DGKH: variants seen among roughly 807,000 people sequenced by gnomAD.
The protein encoded by DGKH is diacylglycerol kinase eta, also known as DAG kinase eta.
In DGKH, 90 loss-of-function variants were observed where a neutral mutation model predicts 159.3. That is an observed-to-expected ratio of 0.57 (90% CI 0.48 to 0.67). The LOEUF is 0.67. DGKH is among the 30% of genes least tolerant of loss of function. DGKH has a pLI of 0.00. For missense variants in DGKH, 1,181 were observed against 1,506.1 expected (o/e 0.78, Z 3.57); for synonymous variants, 536 against 553.8 (o/e 0.97, Z 0.45).
chr13:42,065,188 A>G (rs1882473120), intron 1 of DGKH, among the ~76,000 whole-genome samples: 1 of 152,224 alleles, frequency 6.6e-6, no homozygotes, highest in Admixed American at 6.5e-5. Flanking sequence ...TCACAGGGAA[A>G]GAATTCTCAT....
In DGKH at chr13:42,110,755, A is replaced by G. The variant is rs1483782124; in HGVS notation, c.193-16708A>G. ...TAATCATTAGCATAGCACCACTGCC[A>G]CCTTGTGGTAATGCATGGTAGTTCA... On this transcript the variant is annotated intron_variant, in intron 1 of 29. Transcript: ENST00000337343. Among the ~76,000 whole-genome samples the G allele has an allele frequency of 2.0e-5, 3 of 151,924 alleles. No individual in the cohort carries two copies. In the East Asian group the frequency reaches 5.8e-4, roughly 29 times the overall value.
chr13:42,063,439 C>T (rs373937136), intron 1 of DGKH, among the ~76,000 whole-genome samples: 27 of 152,200 alleles, frequency 1.8e-4, no homozygotes, highest in East Asian at 1.5e-3. Context: ...GTGGTTAGCA[C>T]ATAATTAGCA....
intron 3 of DGKH, among the ~76,000 whole-genome samples, chr13:42,152,032 GTGA>G (rs1164099785): frequency 2.0e-5 from 3 of 152,094 alleles, no homozygotes; most frequent in Admixed American, 2.0e-4. Context: ...CTCATGATGA[GTGA>G]TGTTGAGCAT....
chr13:42,076,539 C>A (rs982031901), intron 1 of DGKH, among the ~76,000 whole-genome samples: 1 of 152,080 alleles, frequency 6.6e-6, no homozygotes, highest in African/African-American at 2.4e-5. Flanking sequence ...ACATCGTAAC[C>A]CTCTTTTTTA....
At chr13:42,125,830 C>T (rs990317688) in intron 1 of DGKH, among the ~76,000 whole-genome samples, 4 of 152,132 alleles carry the variant, frequency 2.6e-5, no homozygotes, top group Non-Finnish European at 5.9e-5. Flanking sequence ...ATCTCAGCAC[C>T]TGCCATTTAT....
chr13:42,180,597 CTCTT>C (rs1471444411), intron 13 of DGKH, among the ~76,000 whole-genome samples: 1 of 152,190 alleles, frequency 6.6e-6, no homozygotes, highest in Non-Finnish European at 1.5e-5. Flanking sequence ...CTTGGCCTGA[CTCTT>C]TGTCTAAGGC....
chr13:42,254,554 A>G (rs1566240826), intron 30 of DGKH, among the ~76,000 whole-genome samples: 1 of 151,794 alleles, frequency 6.6e-6, no homozygotes, highest in Non-Finnish European at 1.5e-5. Context: ...AATCACTTGA[A>G]CCTGGGAGGT....
chr13:42,158,064 G>C (rs537631157), intron 5 of DGKH, among the ~76,000 whole-genome samples: 1 of 152,156 alleles, frequency 6.6e-6, no homozygotes, highest in South Asian at 2.1e-4. Context: ...TGGCCTAGAC[G>C]AATATTTTTC....
At chr13:42,116,572 A>G (rs370551062) in intron 1 of DGKH, among the ~76,000 whole-genome samples, 2 of 152,228 alleles carry the variant, frequency 1.3e-5, no homozygotes, top group Admixed American at 1.3e-4. Context: ...ATGAAAGTGT[A>G]TACCTACTGG....
chr13:42,182,752 G>T (rs1370470439), intron 13 of DGKH, among the ~76,000 whole-genome samples: 1 of 152,104 alleles, frequency 6.6e-6, no homozygotes, highest in Non-Finnish European at 1.5e-5. Context: ...GTGTGCTTGT[G>T]TGCACGTGTG....
chr13:42,241,886 A>C lies in DGKH; in HGVS notation c.*12698A>C, dbSNP rs1594267913. ...CTAGATATTTATGGATGGTTAGGCA[A>C]TAGGGTTCCTTCATGAGAAGGAAAA... On this transcript the variant is annotated 3_prime_UTR_variant, in exon 30 of 30. Coordinates refer to ENST00000337343, the MANE Select transcript of DGKH (RefSeq NM_178009.5). 1 of 152,222 alleles carries C rather than the reference A, an allele frequency of 6.6e-6. No individual in the cohort carries two copies. Among genetic ancestry groups the C allele is most frequent in the Non-Finnish European group, 1.5e-5 (1 of 68,022 alleles). The allele number at this position is 152,222 out of a possible 1,614,324, so 9.4% of individuals were successfully genotyped here.
chr13:42,120,817 G>T (rs977282488), intron 1 of DGKH, among the ~76,000 whole-genome samples: 3 of 152,068 alleles, frequency 2.0e-5, no homozygotes, highest in Admixed American at 6.5e-5. Context: ...TGTGTATATT[G>T]TGTGTGTATG....
Position 42,223,723 on chromosome 13 carries a change from T to C in DGKH, c.3573+2329T>C, listed in dbSNP as rs527447599. ...TTGCAGTGAGCCGAGATCACACCAC[T>C]GCACTCCAGCTTGGGCGACAGAGCA... On this transcript the variant is annotated intron_variant, in intron 29 of 29. Transcript: ENST00000337343. 2.2e-3 allele frequency among the ~76,000 whole-genome samples: 342 copies of C among 152,140 alleles called. 2 individuals carry two copies. The highest frequency in any genetic ancestry group is 7.8e-3 in the African/African-American group (325 of 41,486).
intron 3 of DGKH, among the ~76,000 whole-genome samples, chr13:42,153,177 A>G (rs1324310301): frequency 2.0e-5 from 3 of 152,234 alleles, no homozygotes; most frequent in African/African-American, 4.8e-5. Flanking sequence ...TTAGTAGTAT[A>G]TAAGTACACA....
intron 1 of DGKH, chr13:42,070,249 A>G: frequency 8.6e-6 from 10 of 1,156,860 alleles, no homozygotes; most frequent in Non-Finnish European, 1.3e-5. Context: ...TCCTGGAAGT[A>G]GCTGAGTTAA....
rs773005970 is a variant in DGKH at position 42,160,019 on chromosome 13, G to GCTTGTGGA, written c.739_740insTTGTGGAC (p.Pro247LeufsTer14). ...TTCTTCCTTCTCCACAGGTCGCGAT[G>GCTTGTGGA]CCTCACCAGTGGCTTGAGGGCAACC... On this transcript the variant is annotated frameshift_variant, in exon 7 of 30. Coordinates refer to ENST00000337343, the MANE Select transcript of DGKH (RefSeq NM_178009.5). LOFTEE classifies it high-confidence loss of function. 1 of 1,614,236 alleles carries GCTTGTGGA rather than the reference G, an allele frequency of 6.2e-7. No individual in the cohort carries two copies. Among genetic ancestry groups the GCTTGTGGA allele is most frequent in the South Asian group, 1.1e-5 (1 of 91,082 alleles).
intron 1 of DGKH, among the ~76,000 whole-genome samples, chr13:42,123,705 G>A (rs1362765638): frequency 6.6e-6 from 1 of 152,196 alleles, no homozygotes; most frequent in Non-Finnish European, 1.5e-5. Context: ...CACCAGTGAA[G>A]ATGTGCACAT....
Position 42,241,896 on chromosome 13 carries a change from T to C in DGKH, c.*12708T>C, listed in dbSNP as rs552651648. The C allele has an allele frequency of 6.6e-6, 1 of 152,330 alleles. No individual in the cohort carries two copies. Among genetic ancestry groups the C allele is most frequent in the East Asian group, 1.9e-4 (1 of 5,194 alleles). 9.4% of individuals were successfully genotyped at this position (152,330 alleles called of 1,614,324 possible). ...ATGGATGGTTAGGCAATAGGGTTCC[T>C]TCATGAGAAGGAAAAAACTGTATCT... On this transcript the variant is annotated 3_prime_UTR_variant, in exon 30 of 30. Coordinates refer to ENST00000337343, the MANE Select transcript of DGKH (RefSeq NM_178009.5).
At chr13:42,225,449 C>G in intron 29 of DGKH, 1 of 1,002,990 alleles carries the variant, frequency 1.0e-6, no homozygotes, top group Non-Finnish European at 1.4e-6. Flanking sequence ...AAAATTTGGA[C>G]TGTTTATCCA....
Sources: gnomAD v4.1 joint callset for allele counts (sites outside exome capture counted in the v4.1 genomes callset) on GRCh38, gnomAD v4.1.1 for gene constraint, MANE v1.5 for transcripts, NCBI Gene and HGNC (gene_info 2026-07-23, HGNC 2026-07-21) for gene names.